WDR7: variants seen among roughly 807,000 people sequenced by gnomAD.
The protein encoded by WDR7 is WD repeat-containing protein 7.
In WDR7, 46 loss-of-function variants were observed where a neutral mutation model predicts 169.4. The observed-to-expected ratio is 0.27, with a 90% CI of 0.21 to 0.35. WDR7 has a LOEUF of 0.35. Ranked by LOEUF, WDR7 falls within the 10% of genes least tolerant of loss-of-function variation. The pLI is 1.00. For synonymous variants in WDR7, 612 were observed against 666.8 expected (o/e 0.92, Z 1.27); for missense variants, 1,534 against 1,859.3 (o/e 0.83, Z 3.22).
intron 20 of WDR7, among the ~76,000 whole-genome samples, chr18:56,861,795 C>T (rs999175657): frequency 2.0e-5 from 3 of 152,022 alleles, no homozygotes; most frequent in African/African-American, 7.2e-5. Flanking sequence ...GATCTCTGCT[C>T]CTATGAAAAT....
chr18:56,949,358 T>C (rs1033781254), intron 25 of WDR7, among the ~76,000 whole-genome samples: 5 of 152,238 alleles, frequency 3.3e-5, no homozygotes, highest in Admixed American at 3.3e-4. Flanking sequence ...AAACTCATTT[T>C]GCATTGATGT....
At chr18:56,676,855 C>A (rs2025255246) in intron 2 of WDR7, among the ~76,000 whole-genome samples, 2 of 151,968 alleles carry the variant, frequency 1.3e-5, no homozygotes, top group Non-Finnish European at 1.5e-5. Context: ...GACTACAGGC[C>A]CATGTCACTG....
intron 20 of WDR7, among the ~76,000 whole-genome samples, chr18:56,877,808 G>A (rs2046046950): frequency 6.6e-6 from 1 of 152,118 alleles, no homozygotes; most frequent in Non-Finnish European, 1.5e-5. Flanking sequence ...GGTCAGAATT[G>A]TGGTGACCTT....
intron 2 of WDR7, 71 bp from the exon 3 acceptor site, chr18:56,679,261 T>G: frequency 7.8e-7 from 1 of 1,285,444 alleles, no homozygotes; most frequent in East Asian, 2.4e-5. Flanking sequence ...TTACTATGGC[T>G]AAGCTGACAC....
intron 12 of WDR7, among the ~76,000 whole-genome samples, chr18:56,714,784 G>C (rs892005801): frequency 6.6e-6 from 1 of 152,092 alleles, no homozygotes; most frequent in African/African-American, 2.4e-5. Flanking sequence ...TGTGAAAGGG[G>C]AATAAAAGTA....
At chr18:56,855,522 G>A (rs989631184) in intron 20 of WDR7, among the ~76,000 whole-genome samples, 2 of 152,094 alleles carry the variant, frequency 1.3e-5, no homozygotes, top group African/African-American at 2.4e-5. Flanking sequence ...AGACATAAAA[G>A]CTGTTAATCC....
At chr18:56,741,389 C>G (rs2043619804) in intron 14 of WDR7, among the ~76,000 whole-genome samples, 1 of 145,488 alleles carries the variant, frequency 6.9e-6, no homozygotes, top group East Asian at 1.9e-4. Flanking sequence ...AGTCTTCTCT[C>G]TGCCTCTGCC....
At chr18:56,661,064 A>G (rs1046116442) in intron 1 of WDR7, among the ~76,000 whole-genome samples, 9 of 152,212 alleles carry the variant, frequency 5.9e-5, no homozygotes. Context: ...TAATGTGACA[A>G]TTCAGCTTCA....
At chr18:56,851,451 C>T (rs1346446808) in intron 20 of WDR7, among the ~76,000 whole-genome samples, 1 of 152,188 alleles carries the variant, frequency 6.6e-6, no homozygotes, top group Non-Finnish European at 1.5e-5. Flanking sequence ...CTGGCTGTCA[C>T]TGGTATTTGC....
At position 56,882,297 on chromosome 18, in the gene WDR7, G is replaced by A. The variant is rs147387015; in HGVS notation, c.3526+2132G>A. On this transcript the variant is annotated intron_variant, in intron 21 of 27. Transcript: ENST00000254442. ...AGAAGTTTGGCATTAGACTATTAGA[G>A]GTTAATGAAGCTTTGACATGATTTG... Among the ~76,000 whole-genome samples the A allele has an allele frequency of 1.8e-4, 27 of 152,308 alleles. No individual in the cohort carries two copies. The East Asian group carries it at 5.2e-3, about 29-fold the overall frequency.
At chr18:56,873,334 GGTA>G (rs2045977977) in intron 20 of WDR7, among the ~76,000 whole-genome samples, 1 of 152,014 alleles carries the variant, frequency 6.6e-6, no homozygotes, top group Non-Finnish European at 1.5e-5. Flanking sequence ...CTTAGCAGAG[GGTA>G]CCTGTTACAA....
rs138098992 is a variant in WDR7 at position 56,858,989 on chromosome 18, C to T, written c.3305-20955C>T. Among the ~76,000 whole-genome samples, 205 of 152,158 alleles carry T rather than the reference C, an allele frequency of 1.3e-3. 1 individual carries two copies. The highest frequency in any genetic ancestry group is 4.7e-3 in the African/African-American group (197 of 41,540). On this transcript the variant is annotated intron_variant, in intron 20 of 27. Coordinates refer to ENST00000254442, the MANE Select transcript of WDR7 (RefSeq NM_015285.3). ...AGAGAAGAGCAAAAGATGAAGAAGA[C>T]GGTGGCCATGAGGGGAGGTGGTCAG...
chr18:57,011,760 A>G (rs150857470), intron 26 of WDR7, among the ~76,000 whole-genome samples: 164 of 152,316 alleles, frequency 1.1e-3, no homozygotes, highest in African/African-American at 3.8e-3. Context: ...ATGTGCGTAG[A>G]CTATAGGAGA....
chr18:56,786,978 A>G (rs1429116267), intron 19 of WDR7, among the ~76,000 whole-genome samples: 1 of 151,946 alleles, frequency 6.6e-6, no homozygotes, highest in Middle Eastern at 3.2e-3. Context: ...AATAGGGATT[A>G]ATGTTATTTT....
At chr18:56,986,868 G>GA (rs2047728706) in intron 26 of WDR7, among the ~76,000 whole-genome samples, 1 of 151,024 alleles carries the variant, frequency 6.6e-6, no homozygotes, top group South Asian at 2.1e-4. Flanking sequence ...GATGAGAGTA[G>GA]ATGCCATTAA....
rs531533822 is a variant in WDR7 at position 56,997,856 on chromosome 18, T to C, written c.4165-22889T>C. Among the ~76,000 whole-genome samples, 6 of 152,316 alleles carry C rather than the reference T, an allele frequency of 3.9e-5. No homozygotes were observed. The South Asian group carries it at 1.2e-3, about 32-fold the overall frequency. On this transcript the variant is annotated intron_variant, in intron 26 of 27. Coordinates refer to ENST00000254442, the MANE Select transcript of WDR7 (RefSeq NM_015285.3). The stretch of plus-strand genomic sequence containing the variant: ...GGAGAAGGTAATCAGCCTTTCTCCT[T>C]TGCAGTTTTTTAAATTCAATTATAT...
At chr18:56,930,204 T>C (rs2046862592) in intron 22 of WDR7, among the ~76,000 whole-genome samples, 1 of 152,234 alleles carries the variant, frequency 6.6e-6, no homozygotes, top group African/African-American at 2.4e-5. Context: ...CCACACATGC[T>C]TTGATGACAC....
chr18:56,834,614 C>T (rs1337309053), intron 20 of WDR7, among the ~76,000 whole-genome samples: 6 of 151,964 alleles, frequency 3.9e-5, no homozygotes, highest in Non-Finnish European at 8.8e-5. Context: ...GAAGGTGGTA[C>T]CCAGAATGGA....
At chr18:56,779,391 A>G (rs1250876917) in intron 17 of WDR7, 40 bp from the exon 18 acceptor site, 5 of 1,526,640 alleles carry the variant, frequency 3.3e-6, no homozygotes, top group East Asian at 4.7e-5. Context: ...GGGAATGCCA[A>G]AATGGTTAAA....
Sources: allele counts gnomAD v4.1 joint callset (sites outside exome capture counted in the v4.1 genomes callset), GRCh38; gene constraint gnomAD v4.1.1; transcripts MANE v1.5; gene names NCBI Gene and HGNC (gene_info 2026-07-23, HGNC 2026-07-21).